Variants in TMEM38A observed in about 807,000 individuals in gnomAD.
TMEM38A encodes the protein trimeric intracellular cation channel type A.
Under a neutral mutation model 28.6 loss-of-function variants are expected in TMEM38A, and 17 were observed. The observed-to-expected ratio is 0.60, with a 90% confidence interval of 0.41 to 0.89. The LOEUF (loss-of-function observed/expected upper bound fraction) is 0.89, where lower values mean the gene tolerates loss of function less well. Among genes scored for constraint, TMEM38A ranks in the 40% least tolerant of loss-of-function variants. TMEM38A has a pLI of 0.00. For synonymous variants in TMEM38A, 169 were observed against 166.1 expected (o/e 1.02, Z -0.14); for missense variants, 328 against 393.1 (o/e 0.83, Z 1.40).
rs549238542 is a variant in TMEM38A at position 16,661,647 on chromosome 19, G to T, written c.124+306G>T. ...GTTGGGTCAGAGCTGCAGGAACTTG[G>T]GCAAGGGGCGCCGGCTGTGGCGAGG... On this transcript the variant is annotated intron_variant, in intron 1 of 5. Transcript: ENST00000187762. This position sits in a 1 kb window ranked among gnomAD's most constrained non-coding sequence, Gnocchi z 6.5. Among the ~76,000 whole-genome samples the T allele has an allele frequency of 2.6e-5, 4 of 152,156 alleles. No homozygotes were observed. The East Asian group carries it at 7.8e-4, about 29-fold the overall frequency.
In TMEM38A at chr19:16,661,193, C is replaced by T; in HGVS notation, c.-25C>T. On this transcript the variant is annotated 5_prime_UTR_variant, in exon 1 of 6. Transcript: ENST00000187762. This position sits in a 1 kb window ranked among gnomAD's most constrained non-coding sequence, Gnocchi z 6.5. The stretch of plus-strand genomic sequence containing the variant: ...GACGAGGCCGGGGCCCCGGGTGGCA[C>T]CCGGCAGGCGGGCAGGCGGGCGCCA... 1 of 1,365,062 alleles carries T rather than the reference C, an allele frequency of 7.3e-7. No homozygotes were observed. The highest frequency in any genetic ancestry group is 9.6e-7 in the Non-Finnish European group (1 of 1,046,840). The allele number at this position is 1,365,062 out of a possible 1,614,324, so 84.6% of individuals were successfully genotyped here. A position where few individuals can be genotyped will look rare whatever the true frequency, so the allele number is the denominator to read the frequency against.
intron 1 of TMEM38A, among the ~76,000 whole-genome samples, chr19:16,674,808 A>G (rs2086743095): frequency 6.7e-6 from 1 of 150,152 alleles, no homozygotes; most frequent in Non-Finnish European, 1.5e-5. Flanking sequence ...TCAAACAAAC[A>G]ACAACAACAA....
chr19:16,677,051 G>T (rs898293438), intron 1 of TMEM38A, among the ~76,000 whole-genome samples: 27 of 144,740 alleles, frequency 1.9e-4, no homozygotes, highest in African/African-American at 7.0e-4. Context: ...ATGAGCCACC[G>T]TGCCCAGCCC....
intron 4 of TMEM38A, 37 bp from the exon 5 acceptor site, chr19:16,686,251 G>A (rs1352344677): frequency 4.5e-6 from 7 of 1,544,592 alleles, no homozygotes; most frequent in South Asian, 1.1e-5. Context: ...CTTGAGCCAT[G>A]CAGGCACCTC....
At chr19:16,666,952 C>CAAA (rs34700803) in intron 1 of TMEM38A, among the ~76,000 whole-genome samples, 9 of 122,874 alleles carry the variant, frequency 7.3e-5, no homozygotes, top group South Asian at 2.6e-4. Flanking sequence ...AACTCCATCT[C>CAAA]AAAAAAAAAA....
intron 4 of TMEM38A, among the ~76,000 whole-genome samples, chr19:16,684,875 C>T (rs993264495): frequency 1.5e-5 from 1 of 66,190 alleles, no homozygotes; most frequent in East Asian, 4.3e-4. Context: ...TCCATCTCTA[C>T]AAAAAAAAAA....
At chr19:16,682,244 G>T (rs960606802) in intron 3 of TMEM38A, among the ~76,000 whole-genome samples, 177 bp from the exon 4 acceptor site, 2 of 152,034 alleles carry the variant, frequency 1.3e-5, no homozygotes, top group African/African-American at 4.8e-5. Context: ...CCTCAGCAAG[G>T]CTCTGTCCTC....
chr19:16,670,533 C>T (rs966755576), intron 1 of TMEM38A, among the ~76,000 whole-genome samples: 5 of 152,178 alleles, frequency 3.3e-5, no homozygotes, highest in African/African-American at 9.7e-5. Flanking sequence ...CCTCTTGCGT[C>T]GTTGCTAGGC....
At chr19:16,680,784 G>T (rs1297598853) in intron 3 of TMEM38A, 2 of 580,336 alleles carry the variant, frequency 3.4e-6, no homozygotes, top group Admixed American at 3.0e-5. Context: ...ACTGTCAGGG[G>T]TACCTAAGAC....
chr19:16,681,229 A>G (rs373631547), intron 3 of TMEM38A, among the ~76,000 whole-genome samples: 5 of 152,318 alleles, frequency 3.3e-5, no homozygotes, highest in East Asian at 3.9e-4. Context: ...TCAACATTAC[A>G]GTGAGCTATG....
intron 2 of TMEM38A, 95 bp downstream of exon 2, chr19:16,680,235 C>A: frequency 6.6e-7 from 1 of 1,523,094 alleles, no homozygotes; most frequent in Non-Finnish European, 9.0e-7. Flanking sequence ...TAGAATGCAC[C>A]AGCAACAGCC....
intron 1 of TMEM38A, among the ~76,000 whole-genome samples, chr19:16,675,827 G>C (rs1234003196): frequency 1.3e-5 from 2 of 151,918 alleles, no homozygotes; most frequent in East Asian, 3.9e-4. Context: ...GATGACAGGC[G>C]TGAGCCACCA....
intron 1 of TMEM38A, among the ~76,000 whole-genome samples, chr19:16,679,291 G>GTGTGTGTA (rs1157896305): frequency 8.4e-6 from 1 of 118,526 alleles, no homozygotes; most frequent in Non-Finnish European, 1.5e-5. Context: ...GTGTGTGTGT[G>GTGTGTGTA]TGTGTGTATG....
In TMEM38A at chr19:16,682,429, G is replaced by T. The variant is rs982157994; in HGVS notation, c.475G>T (p.Val159Phe). ...AGCACCCTGTCCTGTAGGTTCTGGT[G>T]TCGCCCTCATGTCCAACTTTGAGCA... Reference protein sequence around the residue: ...IATGWVKGSGVALMSNFEQLL... With the variant: ...IATGWVKGSGFALMSNFEQLL... The change falls in exon 4 of 6, where the codon GTC becomes TTC. Residue 159 changes from valine (V) to phenylalanine (F), a missense_variant. By Grantham distance (50) the Val-to-Phe change is conservative (BLOSUM62 -1). Transcript: ENST00000187762. 1.9e-6 allele frequency: 3 copies of T among 1,614,008 alleles called. No homozygotes were observed. The highest frequency in any genetic ancestry group is 2.5e-6 in the Non-Finnish European group (3 of 1,179,996).
chr19:16,670,337 T>C (rs1247216167), intron 1 of TMEM38A, among the ~76,000 whole-genome samples: 1 of 147,532 alleles, frequency 6.8e-6, no homozygotes, highest in African/African-American at 2.5e-5. Context: ...TGCAGTGGCA[T>C]GATCTCGACT....
rs1327431785 is a variant in TMEM38A at position 16,688,385 on chromosome 19, G to A, written c.*14G>A. 6.5e-7 allele frequency: 1 copy of A among 1,544,416 alleles called. No homozygotes were observed. Among genetic ancestry groups the A allele is most frequent in the Non-Finnish European group, 8.7e-7 (1 of 1,149,004 alleles). On this transcript the variant is annotated 3_prime_UTR_variant, in exon 6 of 6. Transcript: ENST00000187762. The stretch of plus-strand genomic sequence containing the variant: ...AAGGCGGATTAGGGGGTGGCCCAAG[G>A]GGCACCGGGGAGAGGACCCGGACCC...
rs756657029 is a variant in TMEM38A at position 16,661,178 on chromosome 19, G to T, written c.-40G>T. On this transcript the variant is annotated 5_prime_UTR_variant, in exon 1 of 6. Transcript: ENST00000187762. The surrounding 1 kb of genome is among the most constrained non-coding windows in gnomAD (Gnocchi z 6.5). ...GCGGGCGGCGGGACGGACGAGGCCG[G>T]GGCCCCGGGTGGCACCCGGCAGGCG... is the stretch of plus-strand genomic sequence containing the variant. 3.9e-6 allele frequency: 5 copies of T among 1,268,266 alleles called. No homozygotes were observed. The highest frequency in any genetic ancestry group is 4.0e-6 in the Non-Finnish European group (4 of 991,808). 78.6% of individuals were successfully genotyped at this position (1,268,266 alleles called of 1,614,324 possible). A position where few individuals can be genotyped will look rare whatever the true frequency, so the allele number is the denominator to read the frequency against.
chr19:16,671,801 T>A (rs62116937), intron 1 of TMEM38A, among the ~76,000 whole-genome samples: 1 of 152,172 alleles, frequency 6.6e-6, no homozygotes, highest in African/African-American at 2.4e-5. Context: ...GCGTAACTCA[T>A]GCAAACGCTA....
At chr19:16,683,695 G>A (rs1410580521) in intron 4 of TMEM38A, among the ~76,000 whole-genome samples, 1 of 152,044 alleles carries the variant, frequency 6.6e-6, no homozygotes, top group Non-Finnish European at 1.5e-5. Context: ...ATTAGGCTGG[G>A]CACGGTGGCT....
Sources: allele counts gnomAD v4.1 joint callset (sites outside exome capture counted in the v4.1 genomes callset), GRCh38; gene constraint gnomAD v4.1.1; non-coding constraint Gnocchi (gnomAD v3.1); transcripts MANE v1.5; gene names NCBI Gene and HGNC (gene_info 2026-07-23, HGNC 2026-07-21).